SH2D3A: variants seen among roughly 807,000 people sequenced by gnomAD.
SH2D3A encodes SH2 domain containing 3A.
SH2D3A carries 46 observed loss-of-function variants against 50.6 expected under a neutral mutation model. The ratio of observed to expected loss-of-function variants is 0.91; its 90% CI spans 0.72 to 1.16. The LOEUF (loss-of-function observed/expected upper bound fraction) is 1.16. SH2D3A is among the 50% of genes most tolerant of loss of function. The probability of loss-of-function intolerance (pLI) is 0.00; values close to 1 mark genes in which losing one functional copy is unlikely to be tolerated. For missense variants in SH2D3A, 783 were observed against 786.2 expected (o/e 1.00, Z 0.05); for synonymous variants, 377 against 348.4 (o/e 1.08, Z -0.91).
Position 6,754,957 on chromosome 19 carries a change from G to A in SH2D3A, c.855C>T (p.Ala285=). The change falls in exon 5 of 10, where the codon GCC becomes GCT. Residue 285 remains alanine (A), a synonymous_variant. Coordinates refer to ENST00000245908, the MANE Select transcript of SH2D3A (RefSeq NM_005490.3). Reference sequence around the variant, plus strand: ...TCTGGGGGCCCAGCAGGCAGGAGGGGGCATCATGGGGGCAGAAAGAGATCT... The same window carrying A: ...TCTGGGGGCCCAGCAGGCAGGAGGGAGCATCATGGGGGCAGAAAGAGATCT... The part of the protein sequence containing the change: ...QAEISFCPHD[A]PSCLLGPQNR... 1.2e-6 allele frequency: 2 copies of A among 1,613,930 alleles called. No individual in the cohort carries two copies. The highest frequency in any genetic ancestry group is 1.7e-6 in the Non-Finnish European group (2 of 1,179,956).
At position 6,752,620 on chromosome 19, in the gene SH2D3A, C is replaced by T; in HGVS notation, c.1704G>A (p.Leu568=). Residue 568 remains leucine, a synonymous_variant, in exon 10 of 10, where the codon CTG becomes CTA. Coordinates refer to ENST00000245908, the MANE Select transcript of SH2D3A (RefSeq NM_005490.3). ...FEKFQRVLGV[L]SQRLEPDR is the part of the protein sequence containing the mutation. ...AGCGGTCAGGCTCCAGGCGCTGCGACAGGACGCCGAGGACGCGCTGGAACT... is the reference window on the plus strand; with the variant it reads ...AGCGGTCAGGCTCCAGGCGCTGCGATAGGACGCCGAGGACGCGCTGGAACT... 2 of 1,560,538 alleles carry T rather than the reference C, an allele frequency of 1.3e-6. No homozygotes were observed. The highest frequency in any genetic ancestry group is 1.7e-6 in the Non-Finnish European group (2 of 1,151,522).
chr19:6,759,552 G>A (rs371700183), intron 4 of SH2D3A, 42 bp downstream of exon 4: 179 of 1,584,534 alleles, frequency 1.1e-4, no homozygotes, highest in Non-Finnish European at 9.4e-5. Context: ...GTGAGTGGCA[G>A]AGCCAATCCC....
At chr19:6,752,892 C>G in intron 9 of SH2D3A, 139 bp from the exon 10 acceptor site, 3 of 1,404,942 alleles carry the variant, frequency 2.1e-6, no homozygotes, top group Non-Finnish European at 1.9e-6. Flanking sequence ...TGCGGGATGA[C>G]TAGGCGGGGT....
At chr19:6,766,708 C>A (rs901834428) in intron 1 of SH2D3A, among the ~76,000 whole-genome samples, 2 of 152,200 alleles carry the variant, frequency 1.3e-5, no homozygotes, top group Non-Finnish European at 2.9e-5. Flanking sequence ...AGCTTGCAGT[C>A]GGCTGCGCAA....
chr19:6,755,812 C>A (rs1004039546), intron 4 of SH2D3A, among the ~76,000 whole-genome samples: 1 of 151,844 alleles, frequency 6.6e-6, no homozygotes, highest in Admixed American at 6.6e-5. Context: ...AGCGTGGTGG[C>A]CGACGCCTGT....
chr19:6,760,671 AG>A lies in SH2D3A; in HGVS notation c.385del (p.Leu129Ter). ...CTCTATCCGAGCTGGGCCATCCATC[AG>A]GGTGTCCTCGCTAAAGCTGCGTCGC... ...PLRRSFSEDT[L>X]MDGPARIEPL... On this transcript the variant is annotated frameshift_variant, in exon 3 of 10. Transcript: ENST00000245908. LOFTEE classifies it high-confidence loss of function. The A allele has an allele frequency of 1.2e-6, 2 of 1,603,380 alleles. No individual in the cohort carries two copies. The highest frequency in any genetic ancestry group is 1.7e-6 in the Non-Finnish European group (2 of 1,172,890).
chr19:6,753,210 C>T (rs1599575541), intron 9 of SH2D3A: 2 of 985,206 alleles, frequency 2.0e-6, no homozygotes, highest in South Asian at 9.4e-5. Context: ...AGTGGGGACC[C>T]GCGGAGGTGG....
chr19:6,754,078 A>G lies in SH2D3A; in HGVS notation c.1358T>C (p.Leu453Pro). The change falls in exon 8 of 10, where the codon CTG becomes CCG. Residue 453 changes from leucine to proline, a missense_variant. By Grantham distance (98) the Leu-to-Pro change is moderately conservative (BLOSUM62 -3). Coordinates refer to ENST00000245908, the MANE Select transcript of SH2D3A (RefSeq NM_005490.3). ...AGCGCCCTCATCCAGAGCCCGCATC[A>G]GCGGCTTCAGCTCCTGCTCAAAGGC... ...ALAFEQELKP[L>P]MRALDEGAGP... The G allele has an allele frequency of 6.2e-7, 1 of 1,610,592 alleles. No individual in the cohort carries two copies. Among genetic ancestry groups the G allele is most frequent in the Non-Finnish European group, 8.5e-7 (1 of 1,178,056 alleles).
chr19:6,755,395 A>G (rs1599581236), intron 4 of SH2D3A, 80 bp from the exon 5 acceptor site: 7 of 989,524 alleles, frequency 7.1e-6, no homozygotes, highest in Non-Finnish European at 1.0e-5. Context: ...TTCATCGGCT[A>G]CCACCCACCT....
chr19:6,753,033 G>C, intron 9 of SH2D3A: 1 of 985,390 alleles, frequency 1.0e-6, no homozygotes, highest in Non-Finnish European at 1.2e-6. Flanking sequence ...GCTGTGCCTG[G>C]ACGTGGGGCT....
rs557167693 is a variant in SH2D3A, at chr19:6,766,097, G to A, written c.-69+1290C>T. On this transcript the variant is annotated intron_variant, in intron 1 of 9. Transcript: ENST00000245908. ...AAATTCCTGCCTCCTGAGTCAGCAG[G>A]AAGTTCCCAGACCAGCCCTAGGTGG... Among the ~76,000 whole-genome samples, 212 of 152,314 alleles carry A rather than the reference G, an allele frequency of 1.4e-3. 1 individual carries two copies. Among genetic ancestry groups the A allele is most frequent in the Admixed American group, 2.8e-3 (43 of 15,306 alleles).
intron 2 of SH2D3A, among the ~76,000 whole-genome samples, chr19:6,762,533 G>T (rs1011416099): frequency 2.3e-5 from 3 of 128,754 alleles, no homozygotes; most frequent in African/African-American, 6.2e-5. Flanking sequence ...TTGAGTCAAG[G>T]TCTCTCTCGA....
Position 6,755,248 on chromosome 19 carries a change from A to G in SH2D3A, c.564T>C (p.Pro188=). 6.5e-7 allele frequency: 1 copy of G among 1,531,738 alleles called. No individual in the cohort carries two copies. Among genetic ancestry groups the G allele is most frequent in the Non-Finnish European group, 8.8e-7 (1 of 1,139,524 alleles). The allele number at this position is 1,531,738 out of a possible 1,614,324, so 94.9% of individuals were successfully genotyped here. The stretch of plus-strand genomic sequence containing the variant: ...TGTCGGCAACAGTTCCCAGGGGAGC[A>G]GGGGCCTTCAGCAACACCGGGTCAC... ...TSSDPVLLKA[P]APLGTVADSL... The change falls in exon 5 of 10, where the codon CCT becomes CCC. Residue 188 remains proline, a synonymous_variant. Transcript: ENST00000245908.
At chr19:6,759,427 T>G (rs1444662944) in intron 4 of SH2D3A, 167 bp downstream of exon 4, 1 of 642,676 alleles carries the variant, frequency 1.6e-6, no homozygotes, top group African/African-American at 1.8e-5. Flanking sequence ...AAACACACAT[T>G]TTAAGCACCC....
chr19:6,756,342 A>G (rs970136214), intron 4 of SH2D3A, among the ~76,000 whole-genome samples: 2 of 151,390 alleles, frequency 1.3e-5, no homozygotes, highest in Non-Finnish European at 2.9e-5. Context: ...ATAGATATCT[A>G]TAGAGAGACA....
chr19:6,755,103 G>A lies in SH2D3A; in HGVS notation c.709C>T (p.Arg237Ter), dbSNP rs748127500. The change falls in exon 5 of 10, where the codon CGA becomes TGA. Residue 237 changes from arginine (R) to a stop codon, truncating the protein, a stop_gained. Coordinates refer to ENST00000245908, the MANE Select transcript of SH2D3A (RefSeq NM_005490.3). LOFTEE classifies it high-confidence loss of function. ...GATGTTCCCTGGACACTGGGCACTC[G>A]GGGCACCAGCTCGCAGTACGTCGGG... ...RPPTYCELVPRVPSVQGTSPS... is the reference protein window; with the variant it reads ...RPPTYCELVP The A allele has an allele frequency of 2.2e-5, 36 of 1,613,880 alleles. No individual in the cohort carries two copies. The highest frequency in any genetic ancestry group is 6.7e-5 in the African/African-American group (5 of 74,882).
chr19:6,762,677 T>G (rs1367121929), intron 2 of SH2D3A, among the ~76,000 whole-genome samples: 1 of 149,208 alleles, frequency 6.7e-6, no homozygotes, highest in Non-Finnish European at 1.5e-5. Context: ...CTGGATAATT[T>G]TCGCTTTTTT....
intron 9 of SH2D3A, 132 bp from the exon 10 acceptor site, chr19:6,752,885 G>A: frequency 1.4e-6 from 2 of 1,408,416 alleles, no homozygotes; most frequent in South Asian, 3.1e-5. Flanking sequence ...CCCCACCTGC[G>A]GGATGACTAG....
At chr19:6,756,444 CTTTTTT>C (rs1326853776) in intron 4 of SH2D3A, among the ~76,000 whole-genome samples, 7 of 150,300 alleles carry the variant, frequency 4.7e-5, no homozygotes, top group African/African-American at 1.2e-4. Context: ...TCTTTTTTTT[CTTTTTT>C]ATTTCTTCTT....
Sources: gnomAD v4.1 joint callset for allele counts (sites outside exome capture counted in the v4.1 genomes callset) on GRCh38, gnomAD v4.1.1 for gene constraint, MANE v1.5 for transcripts, NCBI Gene and HGNC (gene_info 2026-07-23, HGNC 2026-07-21) for gene names.